PDXDC1: variants seen among roughly 807,000 people sequenced by gnomAD.
PDXDC1 encodes pyridoxal-dependent decarboxylase domain-containing protein 1.
In PDXDC1, 42 loss-of-function variants were observed where a neutral mutation model predicts 100.1. That is an observed-to-expected ratio of 0.42 (90% CI 0.33 to 0.54). The LOEUF is 0.54. Ranked by LOEUF, PDXDC1 falls within the 20% of genes least tolerant of loss-of-function variation. PDXDC1 has a pLI of 0.10. For missense variants in PDXDC1, 636 were observed against 979.2 expected (o/e 0.65, Z 4.68); for synonymous variants, 260 against 371.7 (o/e 0.70, Z 3.46).
At chr16:14,978,722 T>C (rs1197604531) in intron 1 of PDXDC1, among the ~76,000 whole-genome samples, 1 of 152,298 alleles carries the variant, frequency 6.6e-6, no homozygotes, top group Non-Finnish European at 1.5e-5. Context: ...ACTTGTAGAA[T>C]AGCCCAGACC....
In PDXDC1 at chr16:15,135,806, G is replaced by A. The variant is rs1041415392; in HGVS notation, c.1400-3073G>A. The A allele has an allele frequency of 6.3e-5, 94 of 1,500,016 alleles. 1 individual carries two copies. The highest frequency in any genetic ancestry group is 8.2e-5 in the Non-Finnish European group (89 of 1,081,532). The allele number at this position is 1,500,016 out of a possible 1,614,324, so 92.9% of individuals were successfully genotyped here. On this transcript the variant is annotated intron_variant, in intron 16 of 16. Transcript: ENST00000535621. Reference sequence around the variant, plus strand: ...CTCAGTGATGGGCACCAGGCGCTCAGGGGCCACCGTCACATTGGCCTGGAT... The same window carrying A: ...CTCAGTGATGGGCACCAGGCGCTCAAGGGCCACCGTCACATTGGCCTGGAT...
the PDXDC1 span, among the ~76,000 whole-genome samples, chr16:15,144,835 G>A: frequency 6.6e-6 from 1 of 152,204 alleles, no homozygotes; most frequent in African/African-American, 2.4e-5. Context: ...GGGCCGTTTG[G>A]AGACAAGCCC....
intron 16 of PDXDC1, among the ~76,000 whole-genome samples, chr16:15,058,726 T>A (rs996609808): frequency 2.0e-5 from 3 of 152,120 alleles, no homozygotes; most frequent in Non-Finnish European, 4.4e-5. Context: ...GTGAGACTCT[T>A]GTCTCAAAAA....
chr16:15,133,737 C>A, intron 16 of PDXDC1: 2 of 1,597,266 alleles, frequency 1.3e-6, no homozygotes, highest in Non-Finnish European at 1.7e-6. Flanking sequence ...CACGGGAGGG[C>A]TCCGTGACGT....
intron 16 of PDXDC1, chr16:15,047,652 T>G (rs531515098): frequency 3.0e-6 from 3 of 986,020 alleles, no homozygotes; most frequent in Non-Finnish European, 4.9e-6. Context: ...TCTTTGAATA[T>G]CCTGTAGGGG....
At chr16:15,127,860 C>G in intron 16 of PDXDC1, 1 of 1,565,468 alleles carries the variant, frequency 6.4e-7, no homozygotes, top group Non-Finnish European at 8.6e-7. Context: ...GCAGCTCAGC[C>G]ACCAGCAGGC....
chr16:15,000,346 G>A (rs989580887), intron 3 of PDXDC1, among the ~76,000 whole-genome samples: 14 of 152,400 alleles, frequency 9.2e-5, no homozygotes, highest in South Asian at 4.1e-4. Flanking sequence ...AATCCATAAC[G>A]TCCGGCTTGG....
chr16:15,088,825 T>C (rs1366327653), intron 16 of PDXDC1, among the ~76,000 whole-genome samples: 1 of 152,064 alleles, frequency 6.6e-6, no homozygotes, highest in Non-Finnish European at 1.5e-5. Context: ...TGGGGGGCCT[T>C]GTAAACCAGA....
intron 11 of PDXDC1, among the ~76,000 whole-genome samples, chr16:15,017,792 CTT>C (rs1245561796): frequency 5.9e-4 from 87 of 146,230 alleles, no homozygotes; most frequent in Non-Finnish European, 8.9e-4. Context: ...TAGGTTTTAA[CTT>C]TTTTTTTTTT....
At chr16:15,149,741 G>A in the PDXDC1 span, among the ~76,000 whole-genome samples, 82 of 152,226 alleles carry the variant, frequency 5.4e-4, no homozygotes, top group Non-Finnish European at 9.7e-4. Flanking sequence ...TTGCGAGACA[G>A]CAGCAGACCC....
chr16:14,989,092 A>G (rs1970094204), intron 1 of PDXDC1: 1 of 1,614,238 alleles, frequency 6.2e-7, no homozygotes, highest in Non-Finnish European at 8.5e-7. Flanking sequence ...GTGAGGCCAG[A>G]CGGCCTGTGG....
At chr16:15,129,595 C>T (rs1385227509) in intron 16 of PDXDC1, among the ~76,000 whole-genome samples, 1 of 152,232 alleles carries the variant, frequency 6.6e-6, no homozygotes, top group Non-Finnish European at 1.5e-5. Flanking sequence ...TGCACGGTCT[C>T]CCACAGTGGT....
At chr16:14,979,975 C>T (rs1430744849) in intron 1 of PDXDC1, among the ~76,000 whole-genome samples, 10 of 152,294 alleles carry the variant, frequency 6.6e-5, no homozygotes, top group Admixed American at 6.5e-4. Flanking sequence ...TTGTAGCTTT[C>T]ATATAAAGCC....
intron 8 of PDXDC1, among the ~76,000 whole-genome samples, chr16:15,011,641 T>C (rs1383273961): frequency 2.0e-5 from 3 of 151,284 alleles, no homozygotes; most frequent in Non-Finnish European, 4.4e-5. Context: ...CTTTTTTTTT[T>C]TTTTTTTTTG....
At chr16:15,027,896 C>T (rs1340570644) in intron 14 of PDXDC1, among the ~76,000 whole-genome samples, 1 of 152,282 alleles carries the variant, frequency 6.6e-6, no homozygotes, top group Non-Finnish European at 1.5e-5. Context: ...TGCTTGTCCT[C>T]ACCTAGGTCC....
chr16:15,065,263 G>A (rs750109619), intron 16 of PDXDC1: 4 of 1,613,884 alleles, frequency 2.5e-6, no homozygotes, highest in Non-Finnish European at 3.4e-6. Flanking sequence ...TGTCCAGCGG[G>A]TTTGTGCAGA....
chr16:15,041,697 C>G (rs762385332), downstream of PDXDC1: 2 of 1,586,856 alleles, frequency 1.3e-6, no homozygotes, highest in South Asian at 2.2e-5. Flanking sequence ...AATTTTAAGA[C>G]CAGAAGTCAG....
At chr16:15,046,597 A>C (rs924790119) in intron 16 of PDXDC1, among the ~76,000 whole-genome samples, 1 of 151,132 alleles carries the variant, frequency 6.6e-6, no homozygotes, top group African/African-American at 2.4e-5. Context: ...GGAAACTACC[A>C]ATCTGCTGGA....
intron 1 of PDXDC1, among the ~76,000 whole-genome samples, chr16:14,991,265 A>ATTGTG (rs759288384): frequency 5.1e-5 from 7 of 137,818 alleles, no homozygotes; most frequent in Admixed American, 7.7e-5. Context: ...ATGTATATAG[A>ATTGTG]TATGTGTGTG....
Sources: allele counts gnomAD v4.1 joint callset (sites outside exome capture counted in the v4.1 genomes callset), GRCh38; gene constraint gnomAD v4.1.1; transcripts MANE v1.5; gene names NCBI Gene and HGNC (gene_info 2026-07-23, HGNC 2026-07-21).